The following YAP1 variants were observed in gnomAD, a reference collection of about 807,000 sequenced individuals.
The protein encoded by YAP1 is transcriptional coactivator YAP1.
YAP1 carries 5 observed loss-of-function variants against 56.9 expected under a neutral mutation model. That is an observed-to-expected ratio of 0.09 (90% CI 0.05 to 0.18). The LOEUF (loss-of-function observed/expected upper bound fraction) is 0.18, where lower values mean the gene tolerates loss of function less well. Ranked by LOEUF, YAP1 falls within the 10% of genes least tolerant of loss-of-function variation. YAP1 has a pLI of 1.00. For missense variants in YAP1, 539 were observed against 651.8 expected (o/e 0.83, Z 1.88); for synonymous variants, 265 against 248.1 (o/e 1.07, Z -0.64).
In YAP1 at chr11:102,232,049, T is replaced by G. The variant is rs1015081350; in HGVS notation, c.*2109T>G. The G allele has an allele frequency of 1.3e-5, 2 of 152,494 alleles. No homozygotes were observed. The highest frequency in any genetic ancestry group is 4.8e-5 in the African/African-American group (2 of 41,410). The allele number at this position is 152,494 out of a possible 1,614,324, so 9.4% of individuals were successfully genotyped here. A position where few individuals can be genotyped will look rare whatever the true frequency, so the allele number is the denominator to read the frequency against. The stretch of plus-strand genomic sequence containing the variant: ...GAAAGATTAAATCTTGAATTAAGTC[T>G]GGGGGGAAATGGCCACTGCAGATGG... On this transcript the variant is annotated 3_prime_UTR_variant, in exon 9 of 9. Coordinates refer to ENST00000282441, the MANE Select transcript of YAP1 (RefSeq NM_001130145.3).
intron 2 of YAP1, among the ~76,000 whole-genome samples, chr11:102,148,823 A>G (rs1043126059): frequency 2.0e-5 from 3 of 152,176 alleles, no homozygotes; most frequent in African/African-American, 7.2e-5. Context: ...GAAAGTATAT[A>G]AAAGCCAAAA....
At chr11:102,213,643 T>G (rs1212466690) in intron 6 of YAP1, among the ~76,000 whole-genome samples, 1 of 152,204 alleles carries the variant, frequency 6.6e-6, no homozygotes, top group South Asian at 2.1e-4. Flanking sequence ...TAGCTAAGTG[T>G]ACTCCACTGC....
intron 3 of YAP1, 42 bp from the exon 4 acceptor site, chr11:102,185,976 C>T: frequency 6.6e-7 from 1 of 1,509,562 alleles, no homozygotes; most frequent in Non-Finnish European, 8.8e-7. Flanking sequence ...TTAGGTGCAC[C>T]AAATAAAAAC....
chr11:102,132,850 A>G lies in YAP1; in HGVS notation c.572+18456A>G, dbSNP rs774706471. ...AATGTGTAAAACATTACAATTTTTT[A>G]CTTTTTTTATTTTTTACTGGCATAG... On this transcript the variant is annotated intron_variant, in intron 2 of 8. Transcript: ENST00000282441. 2.0e-5 allele frequency among the ~76,000 whole-genome samples: 3 copies of G among 152,316 alleles called. No homozygotes were observed. The East Asian group carries it at 5.8e-4, about 29-fold the overall frequency.
chr11:102,188,597 A>G (rs924346748), intron 4 of YAP1, among the ~76,000 whole-genome samples: 7 of 152,216 alleles, frequency 4.6e-5, no homozygotes, highest in African/African-American at 1.7e-4. Flanking sequence ...TTAGATACAC[A>G]AATACTACCC....
Position 102,205,969 on chromosome 11 carries a change from C to G in YAP1, c.879C>G (p.Gly293=). The G allele has an allele frequency of 6.2e-7, 1 of 1,613,536 alleles. No individual in the cohort carries two copies. The highest frequency in any genetic ancestry group is 8.5e-7 in the Non-Finnish European group (1 of 1,179,866). The change falls in exon 5 of 9, where the codon GGC becomes GGG. Residue 293 remains glycine, a synonymous_variant. Transcript: ENST00000282441. ...PPLAPQSPQG[G]VMGGSNSNQQ... is the part of the protein sequence containing the mutation. ...TGGCTCCCCAGAGCCCACAGGGAGG[C>G]GTCATGGGTGGCAGCAACTCCAACC...
At chr11:102,127,898 TAAA>T (rs1399233964) in intron 2 of YAP1, among the ~76,000 whole-genome samples, 6 of 152,318 alleles carry the variant, frequency 3.9e-5, no homozygotes, top group Admixed American at 3.3e-4. Flanking sequence ...TTTGGAGCTT[TAAA>T]ATGTGACTGT....
rs71059544 is a variant in YAP1 at position 102,228,634 on chromosome 11, C to CAAAAAAAAAAA, written c.1277-1051_1277-1041dup. Among the ~76,000 whole-genome samples the CAAAAAAAAAAA allele has an allele frequency of 2.7e-3, 86 of 31,638 alleles. 2 individuals carry two copies. Among genetic ancestry groups the CAAAAAAAAAAA allele is most frequent in the East Asian group, 4.7e-3 (4 of 858 alleles). The allele number at this position is 31,638 out of a possible 152,430, so 20.8% of individuals were successfully genotyped here. ...TGGGTGACAGAGCAAGACTCCGTCT[C>CAAAAAAAAAAA]AAAAAAAAAAAAAAAAAAAAAAAAA... On this transcript the variant is annotated intron_variant, in intron 8 of 8. Transcript: ENST00000282441.
At chr11:102,161,345 T>TACACACACACACACAC (rs34552492) in intron 2 of YAP1, among the ~76,000 whole-genome samples, 4 of 141,148 alleles carry the variant, frequency 2.8e-5, no homozygotes, top group African/African-American at 7.9e-5. Context: ...GTACTTTCAC[T>TACACACACACACACAC]ACACACACAC....
intron 2 of YAP1, among the ~76,000 whole-genome samples, chr11:102,155,778 A>T (rs1945904437): frequency 6.6e-6 from 1 of 152,184 alleles, no homozygotes; most frequent in South Asian, 2.1e-4. Flanking sequence ...TGAAAATTTG[A>T]ATGTCACCAT....
At position 102,230,529 on chromosome 11, in the gene YAP1, T is replaced by G. The variant is rs920280117; in HGVS notation, c.*589T>G. The stretch of plus-strand genomic sequence containing the variant: ...TGCTATCATTAGTCACATAATGACC[T>G]TGATTTTATTTTAGGAGCTTATAAG... On this transcript the variant is annotated 3_prime_UTR_variant, in exon 9 of 9. Coordinates refer to ENST00000282441, the MANE Select transcript of YAP1 (RefSeq NM_001130145.3). 1.3e-5 allele frequency: 2 copies of G among 152,760 alleles called. No individual in the cohort carries two copies. Among genetic ancestry groups the G allele is most frequent in the Non-Finnish European group, 2.9e-5 (2 of 68,116 alleles). The allele number at this position is 152,760 out of a possible 1,614,324, so 9.5% of individuals were successfully genotyped here.
chr11:102,163,350 T>C (rs1946409558), intron 3 of YAP1, among the ~76,000 whole-genome samples: 1 of 152,166 alleles, frequency 6.6e-6, no homozygotes, highest in African/African-American at 2.4e-5. Flanking sequence ...CCCCTTCATC[T>C]TCCTTATCAC....
intron 4 of YAP1, among the ~76,000 whole-genome samples, chr11:102,187,998 C>G (rs1055986995): frequency 2.6e-5 from 4 of 152,264 alleles, no homozygotes; most frequent in African/African-American, 9.6e-5. Flanking sequence ...GACCTTTTCA[C>G]TCAGAGAGCT....
chr11:102,202,727 T>TA (rs911894426), intron 4 of YAP1, among the ~76,000 whole-genome samples: 2 of 152,074 alleles, frequency 1.3e-5, no homozygotes, highest in African/African-American at 2.4e-5. Flanking sequence ...GGTTTAGGTT[T>TA]AAAAAAATCA....
intron 2 of YAP1, among the ~76,000 whole-genome samples, chr11:102,119,676 A>G (rs7119330): frequency 0.39 from 58,386 of 151,154 alleles, 11,563 homozygotes; most frequent in African/African-American, 0.46. Context: ...ACAACCCTAA[A>G]ATAAGTCCTC....
At chr11:102,167,864 C>T (rs1310616542) in intron 3 of YAP1, among the ~76,000 whole-genome samples, 1 of 151,954 alleles carries the variant, frequency 6.6e-6, no homozygotes, top group Non-Finnish European at 1.5e-5. Flanking sequence ...ATAGGGAGAC[C>T]CCATCTGTAT....
chr11:102,213,020 T>G (rs1356135950), intron 6 of YAP1, among the ~76,000 whole-genome samples: 1 of 152,248 alleles, frequency 6.6e-6, no homozygotes, highest in Non-Finnish European at 1.5e-5. Context: ...TATTTTCTAG[T>G]CATATCTCTG....
intron 5 of YAP1, among the ~76,000 whole-genome samples, chr11:102,208,870 C>T (rs1435250481): frequency 2.0e-5 from 3 of 152,108 alleles, no homozygotes; most frequent in Non-Finnish European, 4.4e-5. Context: ...TGTTTTATGC[C>T]ATAGATCATC....
chr11:102,110,969 A>C lies in YAP1; in HGVS notation c.121A>C (p.Thr41Pro). The C allele has an allele frequency of 6.6e-7, 1 of 1,520,968 alleles. No individual in the cohort carries two copies. Among genetic ancestry groups the C allele is most frequent in the Non-Finnish European group, 8.8e-7 (1 of 1,136,072 alleles). 94.2% of individuals were successfully genotyped at this position (1,520,968 alleles called of 1,614,324 possible). Residue 41 changes from threonine to proline, a missense_variant, in exon 1 of 9, where the codon ACC (threonine) becomes CCC (proline). Physicochemically the swap from Thr to Pro is conservative, Grantham distance 38. Around this residue, in one of 4 missense-constraint regions of YAP1, gnomAD observed 106 missense variants for 86.6 expected, o/e 1.22. Transcript: ENST00000282441. ...SGPGQPAPAA[T>P]QAAPQAPPAG... ...ACCCGGGCAACCGGCACCCGCGGCG[A>C]CCCAGGCGGCGCCGCAGGCACCCCC...
Sources: allele counts gnomAD v4.1 joint callset (sites outside exome capture counted in the v4.1 genomes callset), GRCh38; gene constraint gnomAD v4.1.1; regional missense constraint gnomAD v4.1.1; transcripts MANE v1.5; gene names NCBI Gene and HGNC (gene_info 2026-07-23, HGNC 2026-07-21).